The following RAB23 variants were observed in gnomAD, a reference collection of about 807,000 sequenced individuals.
RAB23 encodes RAB23, member RAS oncogene family.
Under a neutral mutation model 30.0 loss-of-function variants are expected in RAB23, and 15 were observed. The observed-to-expected ratio is 0.50, with a 90% confidence interval of 0.33 to 0.77. The LOEUF (loss-of-function observed/expected upper bound fraction) is 0.77, where lower values mean the gene tolerates loss of function less well. Among genes scored for constraint, RAB23 ranks in the 30% least tolerant of loss-of-function variants. The pLI is 0.02. For synonymous variants in RAB23, 93 were observed against 94.0 expected, an observed-to-expected ratio of 0.99 and a Z score of 0.06; for missense variants, 243 against 275.4, an observed-to-expected ratio of 0.88 and a Z score of 0.83.
In RAB23 at chr6:57,221,941, A is replaced by T. The variant is rs1766077886; in HGVS notation, c.-281T>A. On this transcript the variant is annotated 5_prime_UTR_variant, in exon 1 of 7. Coordinates refer to ENST00000468148, the MANE Select transcript of RAB23 (RefSeq NM_016277.5). ...CCCGGGGAGAAGCTGAGTCTTCCCC[A>T]GTGGAGCCGGACGAACCCCCAGCCC... is the stretch of plus-strand genomic sequence containing the variant. The T allele has an allele frequency of 1.3e-5, 2 of 152,542 alleles. No homozygotes were observed. The highest frequency in any genetic ancestry group is 1.3e-4 in the Admixed American group (2 of 15,296). 9.4% of individuals were successfully genotyped at this position (152,542 alleles called of 1,614,324 possible). A position where few individuals can be genotyped will look rare whatever the true frequency, so the allele number is the denominator to read the frequency against.
intron 3 of RAB23, among the ~76,000 whole-genome samples, chr6:57,197,764 GGTCTCACTCTGTTGCCCAAA>G (rs556673402): frequency 2.5e-3 from 388 of 152,244 alleles, no homozygotes; most frequent in Non-Finnish European, 4.6e-3. Context: ...CTTGAGACAA[GGTCTCACTCTGTTGCCCAAA>G]CTGGAGTGCA....
chr6:57,202,935 C>T (rs1765318842), intron 3 of RAB23, among the ~76,000 whole-genome samples: 1 of 150,736 alleles, frequency 6.6e-6, no homozygotes, highest in Admixed American at 6.6e-5. Flanking sequence ...GGACCTATCT[C>T]AGTATCTCAC....
intron 3 of RAB23, among the ~76,000 whole-genome samples, chr6:57,206,192 G>C (rs141625697): frequency 3.7e-4 from 56 of 152,210 alleles, no homozygotes; most frequent in East Asian, 1.4e-3. Context: ...GGGAGTTAAA[G>C]GTCCTTGCAA....
At chr6:57,199,804 CTGGATTACTTTTTA>C (rs1029179868) in intron 3 of RAB23, among the ~76,000 whole-genome samples, 21 of 152,110 alleles carry the variant, frequency 1.4e-4, no homozygotes, top group Non-Finnish European at 2.6e-4. Flanking sequence ...AAAAAATCAA[CTGGATTACTTTTTA>C]TGGATTACTT....
intron 1 of RAB23, among the ~76,000 whole-genome samples, chr6:57,219,734 A>G (rs967719024): frequency 3.3e-5 from 5 of 152,240 alleles, no homozygotes; most frequent in Non-Finnish European, 5.9e-5. Context: ...TTCAACAAAT[A>G]GTGACGGAAC....
chr6:57,216,837 G>C (rs897719576), intron 1 of RAB23, among the ~76,000 whole-genome samples: 5 of 152,118 alleles, frequency 3.3e-5, no homozygotes, highest in Admixed American at 6.5e-5. Flanking sequence ...ACGTTGCCGC[G>C]GCATTTATAA....
intron 3 of RAB23, among the ~76,000 whole-genome samples, chr6:57,197,976 A>G (rs941706066): frequency 2.0e-5 from 3 of 152,132 alleles, no homozygotes; most frequent in Admixed American, 6.5e-5. Flanking sequence ...GGGTCTCCCA[A>G]TGTTGCCCAG....
At chr6:57,202,163 A>G (rs1381908496) in intron 3 of RAB23, among the ~76,000 whole-genome samples, 1 of 152,198 alleles carries the variant, frequency 6.6e-6, no homozygotes, top group Non-Finnish European at 1.5e-5. Context: ...TGTTTCTACC[A>G]CTACATTTGT....
chr6:57,207,693 C>G lies in RAB23; in HGVS notation c.176G>C (p.Arg59Thr), dbSNP rs201141007. 1.9e-6 allele frequency: 3 copies of G among 1,600,842 alleles called. No individual in the cohort carries two copies. The highest frequency in any genetic ancestry group is 2.7e-5 in the African/African-American group (2 of 74,724). ...ACCTGCAGTGTCCCATAACATTAGT[C>G]TGACATCTTCATCATTAACTCTAAA... is the stretch of plus-strand genomic sequence containing the variant. Reference protein sequence around the residue: ...RQIQVNDEDVRLMLWDTAGQE... With the variant: ...RQIQVNDEDVTLMLWDTAGQE... Residue 59 changes from arginine to threonine, a missense_variant, in exon 3 of 7, where the codon AGA becomes ACA. Transcript: ENST00000468148.
At position 57,207,631 on chromosome 6, in the gene RAB23, G is replaced by A. The variant is rs762512079; in HGVS notation, c.238C>T (p.Arg80Ter). Reference protein sequence around the residue: ...EFDAITKAYYRGAQACVLVFS... With the variant: ...EFDAITKAYY ...ATAAATAAATCCTGTGTTTTACCTC[G>A]ATAGTAGGCCTTTGTAATTGCATCA... Residue 80 changes from arginine (R) to a stop codon, truncating the protein, a stop_gained, in exon 3 of 7, where the codon CGA (arginine) becomes TGA (stop). Coordinates refer to ENST00000468148, the MANE Select transcript of RAB23 (RefSeq NM_016277.5). LOFTEE classifies it high-confidence loss of function. The A allele has an allele frequency of 3.1e-6, 5 of 1,587,326 alleles. No individual in the cohort carries two copies. Among genetic ancestry groups the A allele is most frequent in the South Asian group, 1.1e-5 (1 of 90,442 alleles).
chr6:57,216,143 C>T (rs935667946), intron 1 of RAB23, among the ~76,000 whole-genome samples: 3 of 152,172 alleles, frequency 2.0e-5, no homozygotes, highest in Non-Finnish European at 4.4e-5. Flanking sequence ...ACAGTAACAG[C>T]GTACAGGTTT....
Position 57,190,593 on chromosome 6 carries a change from A to G in RAB23, c.582T>C (p.Phe194=), listed in dbSNP as rs1332930442. The change falls in exon 7 of 7, where the codon TTT becomes TTC. Residue 194 remains phenylalanine (F), a synonymous_variant. Coordinates refer to ENST00000468148, the MANE Select transcript of RAB23 (RefSeq NM_016277.5). The part of the protein sequence containing the change: ...THSSSNKIGV[F]NTSGGSHSGQ... ...CGGAGTGACTTCCACCAGATGTATTAAAGACACCTGTATAAATTGAGGGAA... is the reference window on the plus strand; with the variant it reads ...CGGAGTGACTTCCACCAGATGTATTGAAGACACCTGTATAAATTGAGGGAA... The G allele has an allele frequency of 1.2e-6, 2 of 1,613,872 alleles. No individual in the cohort carries two copies. Among genetic ancestry groups the G allele is most frequent in the African/African-American group, 1.3e-5 (1 of 74,920 alleles).
At chr6:57,206,288 G>A (rs1316735654) in intron 3 of RAB23, among the ~76,000 whole-genome samples, 1 of 152,038 alleles carries the variant, frequency 6.6e-6, no homozygotes, top group African/African-American at 2.4e-5. Context: ...AAGTGGTAGG[G>A]TCAATGAACA....
rs775564217 is a variant in RAB23, at chr6:57,210,284, T to C, written c.97A>G (p.Ile33Val). Residue 33 changes from isoleucine (I) to valine (V), a missense_variant, in exon 2 of 7, where the codon ATT (isoleucine) becomes GTT (valine). By Grantham distance (29) the Ile-to-Val change is conservative. Coordinates refer to ENST00000468148, the MANE Select transcript of RAB23 (RefSeq NM_016277.5). ...SSMIQRYCKG[I>V]FTKDYKKTIG... ...GTTTTCTTGTAGTCTTTTGTAAAAA[T>C]GCCTTTGCAATATCGCTGAATCATA... 4 of 1,613,988 alleles carry C rather than the reference T, an allele frequency of 2.5e-6. No individual in the cohort carries two copies. The highest frequency in any genetic ancestry group is 1.3e-5 in the African/African-American group (1 of 74,956).
chr6:57,195,669 G>A (rs1764995310), intron 4 of RAB23, among the ~76,000 whole-genome samples: 1 of 152,196 alleles, frequency 6.6e-6, no homozygotes, highest in Non-Finnish European at 1.5e-5. Context: ...CATCTGACAA[G>A]GAACTAAGGC....
At chr6:57,216,018 A>G (rs774515267) in intron 1 of RAB23, among the ~76,000 whole-genome samples, 3 of 152,230 alleles carry the variant, frequency 2.0e-5, no homozygotes, top group Non-Finnish European at 2.9e-5. Context: ...TTGCATATAT[A>G]ACAGTGGTCC....
At chr6:57,221,108 G>A (rs1593233192) in intron 1 of RAB23, among the ~76,000 whole-genome samples, 1 of 152,132 alleles carries the variant, frequency 6.6e-6, no homozygotes, top group Non-Finnish European at 1.5e-5. Flanking sequence ...GAGAAGCAAA[G>A]GGTGAGTTAA....
In RAB23 at chr6:57,187,489, T is replaced by C. The variant is rs969747610; in HGVS notation, c.*2972A>G. Reference sequence around the variant, plus strand: ...AGTCCTGTTCATTAGGTAGGTGCCATGTGGAACAAGCTTTCACCTCATCAA... The same window carrying C: ...AGTCCTGTTCATTAGGTAGGTGCCACGTGGAACAAGCTTTCACCTCATCAA... On this transcript the variant is annotated 3_prime_UTR_variant, in exon 7 of 7. Transcript: ENST00000468148. 2 of 152,190 alleles carry C rather than the reference T, an allele frequency of 1.3e-5. No homozygotes were observed. The highest frequency in any genetic ancestry group is 2.9e-5 in the Non-Finnish European group (2 of 68,016). 9.4% of individuals were successfully genotyped at this position (152,190 alleles called of 1,614,324 possible).
chr6:57,195,770 T>C (rs1313792700), intron 4 of RAB23, among the ~76,000 whole-genome samples: 1 of 152,214 alleles, frequency 6.6e-6, no homozygotes, highest in Non-Finnish European at 1.5e-5. Context: ...ACATCTCAAC[T>C]GCAGCTTCAT....
Sources: allele counts gnomAD v4.1 joint callset (sites outside exome capture counted in the v4.1 genomes callset), GRCh38; gene constraint gnomAD v4.1.1; transcripts MANE v1.5; gene names NCBI Gene and HGNC (gene_info 2026-07-23, HGNC 2026-07-21).